Variants in KCTD1 observed in about 807,000 individuals in gnomAD.
KCTD1 encodes the protein BTB/POZ domain-containing protein KCTD1.
KCTD1 carries 24 observed loss-of-function variants against 66.0 expected under a neutral mutation model. That is an observed-to-expected ratio of 0.36 (90% CI 0.26 to 0.51). The LOEUF is 0.51. Ranked by LOEUF, KCTD1 falls within the 20% of genes least tolerant of loss-of-function variation. KCTD1 has a pLI of 0.95. For missense variants in KCTD1, 943 were observed against 1,205.2 expected (o/e 0.78, Z 3.22); for synonymous variants, 511 against 517.2 (o/e 0.99, Z 0.16).
upstream of KCTD1, among the ~76,000 whole-genome samples, chr18:26,641,580 C>T (rs1346204283): frequency 6.6e-6 from 1 of 152,074 alleles, no homozygotes; most frequent in Non-Finnish European, 1.5e-5. Flanking sequence ...GCCTCCCACC[C>T]CTCTTATCCC....
chr18:26,546,225 TAAAAAA>T (rs4059262), intron 1 of KCTD1, among the ~76,000 whole-genome samples: 5 of 142,098 alleles, frequency 3.5e-5, no homozygotes, highest in Non-Finnish European at 6.1e-5. Context: ...CCCTTTTCTT[TAAAAAA>T]AAAAAAAAAA....
In KCTD1 at chr18:26,464,989, C is replaced by T. The variant is rs139808233; in HGVS notation, c.2134-5064G>A. Reference sequence around the variant, plus strand: ...GTTTTAAAGATTTTGTTTATCTTGTCGGGGATGGAGGTTGGGGGAGTGGCC... The same window carrying T: ...GTTTTAAAGATTTTGTTTATCTTGTTGGGGATGGAGGTTGGGGGAGTGGCC... On this transcript the variant is annotated intron_variant, in intron 3 of 4. Coordinates refer to ENST00000580059, the MANE Select transcript of KCTD1 (RefSeq NM_001142730.3). Among the ~76,000 whole-genome samples the T allele has an allele frequency of 5.5e-3, 842 of 152,200 alleles. 8 individuals carry two copies. The highest frequency in any genetic ancestry group is 8.4e-3 in the Non-Finnish European group (569 of 68,012).
At chr18:26,578,060 T>TCTTTC (rs1222718299) in intron 1 of KCTD1, among the ~76,000 whole-genome samples, 4 of 140,958 alleles carry the variant, frequency 2.8e-5, no homozygotes, top group African/African-American at 1.1e-4. Flanking sequence ...TTTCTTTCTT[T>TCTTTC]TTTTTTTTTT....
chr18:26,656,971 G>A (rs1272337320), intron 1 of KCTD1, among the ~76,000 whole-genome samples: 1 of 149,648 alleles, frequency 6.7e-6, no homozygotes, highest in Non-Finnish European at 1.5e-5. Flanking sequence ...AGCGGCGGGC[G>A]GGCGGCTCTG....
intron 2 of KCTD1, among the ~76,000 whole-genome samples, chr18:26,482,542 G>T (rs1478890390): frequency 1.3e-5 from 2 of 152,154 alleles, no homozygotes; most frequent in Non-Finnish European, 2.9e-5. Context: ...ACTCTTACGG[G>T]ATTTGTCACT....
intron 1 of KCTD1, among the ~76,000 whole-genome samples, chr18:26,563,575 C>T (rs756056260): frequency 4.6e-5 from 7 of 152,214 alleles, no homozygotes; most frequent in Non-Finnish European, 8.8e-5. Flanking sequence ...TCCCTGACTT[C>T]AGCAGGCCTG....
In KCTD1 at chr18:26,548,230, C is replaced by T. The variant is rs1567989729; in HGVS notation, c.307G>A (p.Glu103Lys). ...GCCGAGTCCTCGGGCTCCAGGGGCT[C>T]GTCCCAGTCCAGCCCCATCTCCTCC... is the stretch of plus-strand genomic sequence containing the variant. Reference protein sequence around the residue: ...EEEEMGLDWDEPLEPEDSAGE... With the variant: ...EEEEMGLDWDKPLEPEDSAGE... The change falls in exon 1 of 5, where the codon GAG (glutamate) becomes AAG (lysine). Residue 103 changes from glutamate to lysine, a missense_variant. Coordinates refer to ENST00000580059, the MANE Select transcript of KCTD1 (RefSeq NM_001142730.3). 2 of 1,510,332 alleles carry T rather than the reference C, an allele frequency of 1.3e-6. No homozygotes were observed. Among genetic ancestry groups the T allele is most frequent in the East Asian group, 2.6e-5 (1 of 39,020 alleles). 93.6% of individuals were successfully genotyped at this position (1,510,332 alleles called of 1,614,324 possible).
intron 1 of KCTD1, among the ~76,000 whole-genome samples, chr18:26,572,782 C>T (rs1986138740): frequency 6.6e-6 from 1 of 152,158 alleles, no homozygotes; most frequent in Non-Finnish European, 1.5e-5. Flanking sequence ...AGGTGAGGAG[C>T]TCCCATGTTT....
At chr18:26,649,845 T>C (rs1598984603) in intron 1 of KCTD1, among the ~76,000 whole-genome samples, 2 of 152,108 alleles carry the variant, frequency 1.3e-5, no homozygotes, top group East Asian at 3.9e-4. Flanking sequence ...GGTGAGAAAC[T>C]AACAGCAAGA....
chr18:26,599,312 T>C, intron 1 of KCTD1: 1 of 1,106,214 alleles, frequency 9.0e-7, no homozygotes, highest in Non-Finnish European at 1.3e-6. Flanking sequence ...AGAAATTCAA[T>C]TGACTGGGGG....
chr18:26,465,866 A>G (rs1054935150), intron 3 of KCTD1, among the ~76,000 whole-genome samples: 7 of 152,110 alleles, frequency 4.6e-5, no homozygotes, highest in African/African-American at 1.7e-4. Flanking sequence ...CTCTGGGAAA[A>G]TATCCTTGGG....
chr18:26,630,179 C>T (rs138430651), upstream of KCTD1, among the ~76,000 whole-genome samples: 4 of 152,306 alleles, frequency 2.6e-5, no homozygotes, highest in Admixed American at 2.6e-4. Context: ...CCTGCTAATA[C>T]AGGCAACAGC....
At chr18:26,628,746 T>G (rs569475) in intron 1 of KCTD1, among the ~76,000 whole-genome samples, 2 of 152,132 alleles carry the variant, frequency 1.3e-5, no homozygotes, top group African/African-American at 4.8e-5. Flanking sequence ...GAATTATTTT[T>G]GGGGAAGGGG....
chr18:26,576,298 G>A (rs1319405463), intron 1 of KCTD1, among the ~76,000 whole-genome samples: 3 of 152,100 alleles, frequency 2.0e-5, no homozygotes, highest in Non-Finnish European at 4.4e-5. Flanking sequence ...GTACATGGTA[G>A]GAATTCAGTA....
intron 1 of KCTD1, among the ~76,000 whole-genome samples, chr18:26,653,429 G>A (rs1430058614): frequency 2.0e-5 from 3 of 152,146 alleles, no homozygotes; most frequent in Non-Finnish European, 4.4e-5. Flanking sequence ...CCTGGTCCAG[G>A]CCATTTTGGC....
At chr18:26,530,058 G>A (rs1984362810) in intron 1 of KCTD1, among the ~76,000 whole-genome samples, 1 of 152,188 alleles carries the variant, frequency 6.6e-6, no homozygotes, top group Non-Finnish European at 1.5e-5. Flanking sequence ...ACGAATCAGA[G>A]TCTCCCAAGG....
intron 2 of KCTD1, among the ~76,000 whole-genome samples, chr18:26,491,890 A>G (rs1982219176): frequency 6.6e-6 from 1 of 152,154 alleles, no homozygotes; most frequent in Admixed American, 6.5e-5. Context: ...ATGGCTGAAC[A>G]TGGGAAACAT....
chr18:26,540,473 C>T (rs77656010), intron 1 of KCTD1, among the ~76,000 whole-genome samples: 20 of 152,252 alleles, frequency 1.3e-4, no homozygotes, highest in Admixed American at 7.9e-4. Flanking sequence ...CACTTATATG[C>T]GAGTGTTTTT....
chr18:26,513,193 T>G (rs1490879762), intron 1 of KCTD1, among the ~76,000 whole-genome samples: 1 of 150,906 alleles, frequency 6.6e-6, no homozygotes, highest in African/African-American at 2.4e-5. Context: ...GTTCACGCCA[T>G]TCTCCTGCCT....
Sources: gnomAD v4.1 joint callset for allele counts (sites outside exome capture counted in the v4.1 genomes callset) on GRCh38, gnomAD v4.1.1 for gene constraint, MANE v1.5 for transcripts, NCBI Gene and HGNC (gene_info 2026-07-23, HGNC 2026-07-21) for gene names.